The following ZNF609 variants were observed in gnomAD, a reference collection of about 807,000 sequenced individuals.
ZNF609 encodes the protein zinc finger protein 609.
In ZNF609, 11 loss-of-function variants were observed where a neutral mutation model predicts 109.5. That is an observed-to-expected ratio of 0.10 (90% CI 0.06 to 0.17). ZNF609 has a LOEUF of 0.17. Among genes scored for constraint, ZNF609 ranks in the 10% least tolerant of loss-of-function variants. The probability of loss-of-function intolerance (pLI) is 1.00; values close to 1 mark genes in which losing one functional copy is unlikely to be tolerated. For missense variants in ZNF609, 1,559 were observed against 1,772.4 expected (o/e 0.88, Z 2.16); for synonymous variants, 646 against 662.0 (o/e 0.98, Z 0.37).
At chr15:64,644,986 T>A (rs1193851870) in intron 3 of ZNF609, among the ~76,000 whole-genome samples, 1 of 141,500 alleles carries the variant, frequency 7.1e-6, no homozygotes, top group African/African-American at 2.6e-5. Context: ...TTTCTTTTTC[T>A]TTCTTTCTTT....
rs1423758285 is a variant in ZNF609, at chr15:64,500,349, A to T, written c.747+183A>T. On this transcript the variant is annotated intron_variant, in intron 2 of 9. Coordinates refer to ENST00000326648, the MANE Select transcript of ZNF609 (RefSeq NM_015042.2). ...TCCAAATTAGAGGATTCCCCTACAG[A>T]CTCATTTACAGCAGGCCTGGACATT... The T allele has an allele frequency of 3.5e-6, 3 of 859,774 alleles. No homozygotes were observed. The South Asian group carries it at 4.2e-5, about 12-fold the overall frequency. The allele number at this position is 859,774 out of a possible 1,614,324, so 53.3% of individuals were successfully genotyped here. A position where few individuals can be genotyped will look rare whatever the true frequency, so the allele number is the denominator to read the frequency against.
chr15:64,480,282 C>T (rs1893233662), intron 1 of ZNF609, among the ~76,000 whole-genome samples: 1 of 151,836 alleles, frequency 6.6e-6, no homozygotes, highest in African/African-American at 2.4e-5. Flanking sequence ...GCCTGTAATC[C>T]CAGCACTTTG....
intron 1 of ZNF609, among the ~76,000 whole-genome samples, chr15:64,493,724 G>A (rs1459447254): frequency 6.6e-6 from 1 of 152,228 alleles, no homozygotes; most frequent in Non-Finnish European, 1.5e-5. Context: ...ACTTGTGCAA[G>A]TTGTTAAATG....
intron 2 of ZNF609, among the ~76,000 whole-genome samples, chr15:64,513,898 C>T (rs745338448): frequency 3.9e-5 from 6 of 151,918 alleles, no homozygotes; most frequent in Non-Finnish European, 7.4e-5. Context: ...TCAAGACCAG[C>T]CTGAGCAACA....
intron 2 of ZNF609, among the ~76,000 whole-genome samples, chr15:64,602,278 C>A (rs1212179573): frequency 5.3e-5 from 8 of 152,094 alleles, no homozygotes; most frequent in Admixed American, 5.2e-4. Flanking sequence ...GTTCTTAATT[C>A]TTTAGTACTG....
intron 2 of ZNF609, among the ~76,000 whole-genome samples, chr15:64,573,642 C>T (rs1595723131): frequency 6.6e-6 from 1 of 151,998 alleles, no homozygotes; most frequent in African/African-American, 2.4e-5. Context: ...GGATTACAGG[C>T]GTCAGCCGCT....
intron 1 of ZNF609, among the ~76,000 whole-genome samples, chr15:64,481,553 C>T (rs1324561758): frequency 6.6e-6 from 1 of 151,264 alleles, no homozygotes; most frequent in Non-Finnish European, 1.5e-5. Flanking sequence ...CTCCCGACCT[C>T]AGGTGATCCG....
chr15:64,461,823 C>T (rs746237668), intron 1 of ZNF609, among the ~76,000 whole-genome samples: 17 of 152,186 alleles, frequency 1.1e-4, no homozygotes, highest in Non-Finnish European at 1.6e-4. Context: ...GTCCCCAAGC[C>T]CCTACAGGCC....
chr15:64,469,675 A>G (rs1338218650), intron 1 of ZNF609, among the ~76,000 whole-genome samples: 3 of 152,058 alleles, frequency 2.0e-5, no homozygotes, highest in South Asian at 2.1e-4. Flanking sequence ...AGGCTCACCA[A>G]CTTGCCGCAT....
At chr15:64,541,527 A>G (rs1305751696) in intron 2 of ZNF609, among the ~76,000 whole-genome samples, 1 of 151,850 alleles carries the variant, frequency 6.6e-6, no homozygotes, top group Admixed American at 6.6e-5. Flanking sequence ...AACTGATTCT[A>G]GAGAAAAGAG....
At chr15:64,548,737 G>T (rs1034381817) in intron 2 of ZNF609, among the ~76,000 whole-genome samples, 2 of 152,030 alleles carry the variant, frequency 1.3e-5, no homozygotes, top group African/African-American at 4.8e-5. Flanking sequence ...ACTTTAGCCT[G>T]GGCAACAGAA....
chr15:64,640,533 G>T (rs1896239118), intron 3 of ZNF609, among the ~76,000 whole-genome samples: 1 of 152,172 alleles, frequency 6.6e-6, no homozygotes, highest in Admixed American at 6.6e-5. Context: ...GGCTGAAGAA[G>T]GCCAAAAGGA....
rs1475970655 is a variant in ZNF609 at position 64,583,358 on chromosome 15, A to T, written c.748-39469A>T. Reference sequence around the variant, plus strand: ...AGTCCATCTCAAAAAAATAAAAAATAAAAATTAAATTAAATTTAAAAATAA... The same window carrying T: ...AGTCCATCTCAAAAAAATAAAAAATTAAAATTAAATTAAATTTAAAAATAA... On this transcript the variant is annotated intron_variant, in intron 2 of 9. Coordinates refer to ENST00000326648, the MANE Select transcript of ZNF609 (RefSeq NM_015042.2). Among the ~76,000 whole-genome samples the T allele has an allele frequency of 3.3e-5, 5 of 152,074 alleles. No homozygotes were observed. In the East Asian group the frequency reaches 7.8e-4, roughly 24 times the overall value.
At chr15:64,668,751 T>C (rs984836228) in intron 3 of ZNF609, among the ~76,000 whole-genome samples, 1 of 151,810 alleles carries the variant, frequency 6.6e-6, no homozygotes, top group African/African-American at 2.4e-5. Context: ...GTCGGGAGAT[T>C]GAGACCAGCC....
At chr15:64,585,150 ACTTGTCTCTACT>A (rs1895175350) in intron 2 of ZNF609, among the ~76,000 whole-genome samples, 1 of 151,352 alleles carries the variant, frequency 6.6e-6, no homozygotes, top group Non-Finnish European at 1.5e-5. Flanking sequence ...CATGGCAAAA[ACTTGTCTCTACT>A]AAAAATACAA....
At chr15:64,667,380 C>T (rs1208031255) in intron 3 of ZNF609, among the ~76,000 whole-genome samples, 3 of 152,138 alleles carry the variant, frequency 2.0e-5, no homozygotes, top group Non-Finnish European at 4.4e-5. Context: ...AATTCCAGAT[C>T]CCCCAGATTT....
chr15:64,585,710 A>G (rs1895183923), intron 2 of ZNF609, among the ~76,000 whole-genome samples: 1 of 152,226 alleles, frequency 6.6e-6, no homozygotes, highest in African/African-American at 2.4e-5. Flanking sequence ...CCCTCATGCC[A>G]TCCAAACTCA....
chr15:64,593,250 C>T (rs1482352375), intron 2 of ZNF609: 2 of 1,518,218 alleles, frequency 1.3e-6, no homozygotes, highest in African/African-American at 2.7e-5. Flanking sequence ...TCTCGTGAAG[C>T]CCGCAAGGAC....
At chr15:64,486,259 C>G (rs1285618375) in intron 1 of ZNF609, among the ~76,000 whole-genome samples, 5 of 152,208 alleles carry the variant, frequency 3.3e-5, no homozygotes, top group African/African-American at 4.8e-5. Flanking sequence ...CACGTTGTCT[C>G]ACACCTGTAA....
Sources: allele counts gnomAD v4.1 joint callset (sites outside exome capture counted in the v4.1 genomes callset), GRCh38; gene constraint gnomAD v4.1.1; transcripts MANE v1.5; gene names NCBI Gene and HGNC (gene_info 2026-07-23, HGNC 2026-07-21).